The following PDE4B variants were observed in gnomAD, a reference collection of about 807,000 sequenced individuals.
PDE4B encodes the protein 3',5'-cyclic-AMP phosphodiesterase 4B.
Under a neutral mutation model 82.2 loss-of-function variants are expected in PDE4B, and 20 were observed. The ratio of observed to expected loss-of-function variants is 0.24; its 90% CI spans 0.17 to 0.35. PDE4B has a LOEUF of 0.35. PDE4B is among the 10% of genes least tolerant of loss of function. The pLI is 1.00. For synonymous variants in PDE4B, 320 were observed against 318.9 expected (o/e 1.00, Z -0.04); for missense variants, 655 against 907.2 (o/e 0.72, Z 3.57).
At chr1:65,979,959 T>A (rs1013715642) in intron 3 of PDE4B, among the ~76,000 whole-genome samples, 2 of 152,098 alleles carry the variant, frequency 1.3e-5, no homozygotes, top group African/African-American at 2.4e-5. Context: ...TTGTTTTACA[T>A]CAGGTCATTA....
At chr1:66,196,176 C>T (rs568183258) in intron 3 of PDE4B, among the ~76,000 whole-genome samples, 1 of 152,176 alleles carries the variant, frequency 6.6e-6, no homozygotes, top group Admixed American at 6.6e-5. Flanking sequence ...AATTGACTAG[C>T]CTGCCAAGGG....
chr1:66,355,714 A>G lies in PDE4B; in HGVS notation c.841+94A>G, dbSNP rs552596982. On this transcript the variant is annotated intron_variant, in intron 9 of 16. Transcript: ENST00000341517. ...AAGGACATCCTCATGTGAATTTGGGATGGAGTTGAGTCATAGAAAAATCCA... is the reference window on the plus strand; with the variant it reads ...AAGGACATCCTCATGTGAATTTGGGGTGGAGTTGAGTCATAGAAAAATCCA... 4.8e-4 allele frequency: 322 copies of G among 665,526 alleles called. 2 individuals carry two copies. The highest frequency in any genetic ancestry group is 4.0e-3 in the African/African-American group (223 of 55,386). The allele number at this position is 665,526 out of a possible 1,614,324, so 41.2% of individuals were successfully genotyped here. A position where few individuals can be genotyped will look rare whatever the true frequency, so the allele number is the denominator to read the frequency against.
rs182122150 is a variant in PDE4B, at chr1:66,204,323, G to T, written c.282-43137G>T. ...ACCCACTTGAGGCAGCAGTCTGCCT[G>T]TTGTCAGATCTCCAGCTGTGTGCTG... On this transcript the variant is annotated intron_variant, in intron 3 of 16. Coordinates refer to ENST00000341517, the MANE Select transcript of PDE4B (RefSeq NM_002600.4). Among the ~76,000 whole-genome samples the T allele has an allele frequency of 1.2e-4, 19 of 152,364 alleles. 1 individual carries two copies. The East Asian group carries it at 3.7e-3, about 29-fold the overall frequency.
In PDE4B at chr1:65,904,143, T is replaced by C. The variant is rs187480319; in HGVS notation, c.-70-9102T>C. The stretch of plus-strand genomic sequence containing the variant: ...GTTACTTGATGAAGAGTGTCTGGGG[T>C]CTTTGAGTCTACATAGAAGACTTAC... On this transcript the variant is annotated intron_variant, in intron 1 of 16. Transcript: ENST00000341517. Among the ~76,000 whole-genome samples, 94 of 152,168 alleles carry C rather than the reference T, an allele frequency of 6.2e-4. 1 individual carries two copies. The highest frequency in any genetic ancestry group is 2.6e-3 in the Admixed American group (40 of 15,268).
At chr1:66,086,836 A>G (rs1043405983) in intron 3 of PDE4B, among the ~76,000 whole-genome samples, 1 of 152,176 alleles carries the variant, frequency 6.6e-6, no homozygotes, top group African/African-American at 2.4e-5. Context: ...TAGACTTGTA[A>G]AGAAATAACA....
At chr1:66,173,068 T>C (rs1646867553) in intron 3 of PDE4B, among the ~76,000 whole-genome samples, 1 of 152,226 alleles carries the variant, frequency 6.6e-6, no homozygotes, top group Non-Finnish European at 1.5e-5. Context: ...TTTGGGCACA[T>C]GGATACACCT....
intron 7 of PDE4B, among the ~76,000 whole-genome samples, chr1:66,328,478 G>A (rs1386130298): frequency 1.3e-5 from 2 of 152,176 alleles, no homozygotes; most frequent in East Asian, 3.9e-4. Context: ...GTTGCACAGG[G>A]CCCTATGCTC....
At chr1:65,849,579 C>T (rs1646306834) in intron 1 of PDE4B, among the ~76,000 whole-genome samples, 1 of 152,046 alleles carries the variant, frequency 6.6e-6, no homozygotes, top group Non-Finnish European at 1.5e-5. Flanking sequence ...GGTGGGGATC[C>T]CACTCTATGG....
intron 7 of PDE4B, among the ~76,000 whole-genome samples, chr1:66,267,666 A>G (rs1287733598): frequency 6.6e-6 from 1 of 152,190 alleles, no homozygotes; most frequent in Non-Finnish European, 1.5e-5. Flanking sequence ...AAGAAATGAC[A>G]GTACCACTCA....
intron 3 of PDE4B, among the ~76,000 whole-genome samples, chr1:65,923,593 T>C (rs1181379577): frequency 2.0e-5 from 3 of 152,224 alleles, no homozygotes; most frequent in Non-Finnish European, 4.4e-5. Context: ...ATTTGCCTTT[T>C]TGCCTGAAGT....
At chr1:66,085,791 T>C (rs1656972719) in intron 3 of PDE4B, among the ~76,000 whole-genome samples, 1 of 152,088 alleles carries the variant, frequency 6.6e-6, no homozygotes, top group Non-Finnish European at 1.5e-5. Context: ...ATATTTCCCT[T>C]GGTCTTGACA....
intron 8 of PDE4B, among the ~76,000 whole-genome samples, chr1:66,337,149 A>G (rs1660586298): frequency 6.6e-6 from 1 of 152,230 alleles, no homozygotes; most frequent in Non-Finnish European, 1.5e-5. Context: ...AGGAATATTC[A>G]TGCCACTTTT....
At chr1:65,996,727 C>T (rs1651561865) in intron 3 of PDE4B, among the ~76,000 whole-genome samples, 1 of 151,084 alleles carries the variant, frequency 6.6e-6, no homozygotes, top group African/African-American at 2.5e-5. Context: ...ATCACTATCT[C>T]AAATTTCAAA....
intron 6 of PDE4B, among the ~76,000 whole-genome samples, chr1:66,265,028 G>A (rs1385357445): frequency 6.6e-6 from 1 of 152,232 alleles, no homozygotes; most frequent in Non-Finnish European, 1.5e-5. Flanking sequence ...CATTGCAAAT[G>A]TCCTGTTACT....
intron 8 of PDE4B, among the ~76,000 whole-genome samples, chr1:66,347,664 C>T (rs1045798445): frequency 2.0e-5 from 3 of 152,150 alleles, no homozygotes; most frequent in African/African-American, 4.8e-5. Context: ...GGTTTTGAAG[C>T]ATTCCATTGT....
At chr1:65,941,688 G>A (rs544408537) in intron 3 of PDE4B, among the ~76,000 whole-genome samples, 3 of 152,144 alleles carry the variant, frequency 2.0e-5, no homozygotes, top group Non-Finnish European at 2.9e-5. Flanking sequence ...ACAAAAATAT[G>A]TATACATTGT....
At chr1:65,935,723 C>T (rs1300741293) in intron 3 of PDE4B, among the ~76,000 whole-genome samples, 1 of 152,102 alleles carries the variant, frequency 6.6e-6, no homozygotes, top group African/African-American at 2.4e-5. Flanking sequence ...GGGTGGATCA[C>T]CTGAGGTCGA....
intron 16 of PDE4B, 35 bp from the exon 17 acceptor site, chr1:66,372,278 C>T: frequency 1.3e-6 from 2 of 1,557,362 alleles, no homozygotes; most frequent in Non-Finnish European, 1.7e-6. Flanking sequence ...CAAGCACCAT[C>T]ACAATAACAG....
chr1:66,311,779 G>T (rs1485181367), intron 7 of PDE4B, among the ~76,000 whole-genome samples: 1 of 152,210 alleles, frequency 6.6e-6, no homozygotes, highest in Non-Finnish European at 1.5e-5. Flanking sequence ...GCAGCAAAGT[G>T]TATTCCCCAT....
Sources: allele counts gnomAD v4.1 joint callset (sites outside exome capture counted in the v4.1 genomes callset), GRCh38; gene constraint gnomAD v4.1.1; transcripts MANE v1.5; gene names NCBI Gene and HGNC (gene_info 2026-07-23, HGNC 2026-07-21).